CCDC7: variants seen among roughly 807,000 people sequenced by gnomAD.
The protein encoded by CCDC7 is coiled-coil domain-containing protein 7.
In CCDC7, 183 loss-of-function variants were observed where a neutral mutation model predicts 196.9. The observed-to-expected ratio is 0.93, with a 90% CI of 0.82 to 1.05. The LOEUF (loss-of-function observed/expected upper bound fraction) is 1.05, where lower values mean the gene tolerates loss of function less well. Among genes scored for constraint, CCDC7 ranks in the 50% least tolerant of loss-of-function variants. The pLI is 0.00. For missense variants in CCDC7, 1,540 were observed against 1,482.2 expected, an observed-to-expected ratio of 1.04 and a Z score of -0.64; for synonymous variants, 525 against 484.6, an observed-to-expected ratio of 1.08 and a Z score of -1.10.
chr10:32,566,636 CATCA>C, intron 14 of CCDC7, among the ~76,000 whole-genome samples: 1 of 151,930 alleles, frequency 6.6e-6, no homozygotes, highest in East Asian at 1.9e-4. Flanking sequence ...TTTGGCTGGG[CATCA>C]TGGTTCATGC....
intron 29 of CCDC7, among the ~76,000 whole-genome samples, chr10:32,791,294 CAG>C (rs1330290102): frequency 2.0e-5 from 3 of 151,206 alleles, no homozygotes; most frequent in Non-Finnish European, 1.5e-5. Context: ...ACTGCTCTAA[CAG>C]TGTGCAGACC....
At chr10:32,748,817 T>A (rs1205767124) in intron 28 of CCDC7, among the ~76,000 whole-genome samples, 2 of 152,162 alleles carry the variant, frequency 1.3e-5, no homozygotes, top group Non-Finnish European at 2.9e-5. Flanking sequence ...AAAAAGTACG[T>A]GTCCTGAGAG....
intron 33 of CCDC7, among the ~76,000 whole-genome samples, chr10:32,841,007 G>C (rs575844193): frequency 5.9e-5 from 9 of 151,916 alleles, no homozygotes; most frequent in African/African-American, 1.9e-4. Context: ...ATAACATAAG[G>C]TAATAAAAGC....
At chr10:32,775,762 T>C (rs1168992089) in intron 28 of CCDC7, among the ~76,000 whole-genome samples, 1 of 152,070 alleles carries the variant, frequency 6.6e-6, no homozygotes, top group Admixed American at 6.5e-5. Context: ...CATGAATATA[T>C]GTCTTAAACT....
intron 25 of CCDC7, among the ~76,000 whole-genome samples, chr10:32,712,556 T>G (rs1425888588): frequency 1.3e-5 from 2 of 152,198 alleles, no homozygotes; most frequent in Non-Finnish European, 2.9e-5. Flanking sequence ...AGTTAATGCT[T>G]CTTCCAGGAG....
intron 5 of CCDC7, among the ~76,000 whole-genome samples, chr10:32,470,397 CTGTT>C (rs1248348431): frequency 3.3e-5 from 5 of 152,102 alleles, no homozygotes; most frequent in African/African-American, 1.2e-4. Context: ...CACACATTGG[CTGTT>C]TGTAGGTTTC....
chr10:32,658,819 G>A (rs896720474), intron 20 of CCDC7, among the ~76,000 whole-genome samples: 1 of 152,090 alleles, frequency 6.6e-6, no homozygotes, highest in Non-Finnish European at 1.5e-5. Flanking sequence ...ATTTGTTCTA[G>A]ATTATTCAAT....
intron 22 of CCDC7, among the ~76,000 whole-genome samples, chr10:32,688,064 C>T (rs2141186226): frequency 6.6e-6 from 1 of 152,222 alleles, no homozygotes; most frequent in East Asian, 1.9e-4. Flanking sequence ...CTCTAGTGTT[C>T]ATATCTCTTT....
chr10:32,525,003 C>G (rs755489681), intron 11 of CCDC7, among the ~76,000 whole-genome samples: 1 of 151,560 alleles, frequency 6.6e-6, no homozygotes, highest in Non-Finnish European at 1.5e-5. Flanking sequence ...GCCAATAACT[C>G]TTAAAGTGCC....
chr10:32,807,221 A>T (rs911256820), intron 30 of CCDC7, among the ~76,000 whole-genome samples: 1 of 152,208 alleles, frequency 6.6e-6, no homozygotes, highest in African/African-American at 2.4e-5. Context: ...AGACCATATA[A>T]ATATACTTCA....
At chr10:32,502,175 G>A (rs974184316) in intron 9 of CCDC7, among the ~76,000 whole-genome samples, 1 of 152,176 alleles carries the variant, frequency 6.6e-6, no homozygotes, top group African/African-American at 2.4e-5. Flanking sequence ...CTGTGGGGGT[G>A]GGACCCATTA....
chr10:32,714,045 G>A (rs2081228849), intron 25 of CCDC7, among the ~76,000 whole-genome samples: 1 of 152,200 alleles, frequency 6.6e-6, no homozygotes, highest in Admixed American at 6.5e-5. Flanking sequence ...GAAGCCCTTT[G>A]TTGGTTCTCT....
intron 23 of CCDC7, among the ~76,000 whole-genome samples, chr10:32,690,487 T>C (rs1203540385): frequency 6.6e-6 from 1 of 152,216 alleles, no homozygotes; most frequent in East Asian, 1.9e-4. Flanking sequence ...AAATATCCTG[T>C]ATGACAACTG....
chr10:32,870,071 A>C (rs931877276), intron 41 of CCDC7, among the ~76,000 whole-genome samples: 5 of 151,958 alleles, frequency 3.3e-5, no homozygotes, highest in Admixed American at 6.6e-5. Flanking sequence ...TTGACTTGGC[A>C]ATGCGGGCTC....
At chr10:32,878,099 G>C (rs1205653928), downstream of CCDC7, among the ~76,000 whole-genome samples, 1 of 152,064 alleles carries the variant, frequency 6.6e-6, no homozygotes, top group Non-Finnish European at 1.5e-5. Context: ...TCAGTAGAAT[G>C]TTTTGTGATA....
At chr10:32,630,851 T>C (rs1391312812) in intron 18 of CCDC7, among the ~76,000 whole-genome samples, 1 of 152,202 alleles carries the variant, frequency 6.6e-6, no homozygotes, top group Non-Finnish European at 1.5e-5. Context: ...TCTTTGAGTC[T>C]TCTTCCAGTC....
chr10:32,656,862 C>T (rs2070009227), intron 20 of CCDC7, among the ~76,000 whole-genome samples: 1 of 152,204 alleles, frequency 6.6e-6, no homozygotes, highest in African/African-American at 2.4e-5. Flanking sequence ...GCCTATCACC[C>T]TGTGAAATCA....
chr10:32,543,388 A>G lies in CCDC7; in HGVS notation c.1079+3A>G, dbSNP rs1327900757. 2 of 1,363,770 alleles carry G rather than the reference A, an allele frequency of 1.5e-6. No individual in the cohort carries two copies. The highest frequency in any genetic ancestry group is 1.6e-5 in the South Asian group (1 of 60,896). 84.5% of individuals were successfully genotyped at this position (1,363,770 alleles called of 1,614,324 possible). A position where few individuals can be genotyped will look rare whatever the true frequency, so the allele number is the denominator to read the frequency against. ...GGAAAATCTGAGGATTCAGAAAAGT[A>G]AGACATAAAGATACATGTTAATCTT... is the stretch of plus-strand genomic sequence containing the variant. On this transcript the variant is annotated splice_donor_region_variant and intron_variant, in intron 12 of 41. Coordinates refer to ENST00000639629, the Ensembl canonical transcript of CCDC7.
chr10:32,597,637 C>T (rs903091481), intron 18 of CCDC7, among the ~76,000 whole-genome samples: 1 of 152,196 alleles, frequency 6.6e-6, no homozygotes, highest in East Asian at 1.9e-4. Context: ...GCTCTGGTTT[C>T]TCCCCATCTT....
Sources: allele counts gnomAD v4.1 joint callset (sites outside exome capture counted in the v4.1 genomes callset), GRCh38; gene constraint gnomAD v4.1.1; transcripts MANE v1.5; gene names NCBI Gene and HGNC (gene_info 2026-07-23, HGNC 2026-07-21).